Variants in SYNE1 observed in about 807,000 individuals in gnomAD.
The protein encoded by SYNE1 is nesprin-1.
SYNE1 carries 616 observed loss-of-function variants against 1,111.0 expected under a neutral mutation model. The observed-to-expected ratio is 0.55, with a 90% CI of 0.52 to 0.59. The LOEUF is 0.59. Among genes scored for constraint, SYNE1 ranks in the 20% least tolerant of loss-of-function variants. The pLI is 0.00. For synonymous variants in SYNE1, 3,855 were observed against 3,825.8 expected (o/e 1.01, Z -0.28); for missense variants, 10,006 against 10,417.0 (o/e 0.96, Z 1.72).
At chr6:152,250,051 C>A (rs2153595253) in intron 104 of SYNE1, among the ~76,000 whole-genome samples, 1 of 151,912 alleles carries the variant, frequency 6.6e-6, no homozygotes, top group East Asian at 1.9e-4. Flanking sequence ...TCACTTGAGG[C>A]CAGGAGTTCA....
intron 34 of SYNE1, 108 bp from the exon 35 acceptor site, chr6:152,430,817 G>T: frequency 9.1e-7 from 1 of 1,093,426 alleles, no homozygotes; most frequent in Non-Finnish European, 1.4e-6. Context: ...GATATTTGAA[G>T]ACTTGGATGG....
intron 3 of SYNE1, among the ~76,000 whole-genome samples, chr6:152,559,074 C>A (rs774228930): frequency 1.3e-5 from 2 of 152,024 alleles, no homozygotes; most frequent in Non-Finnish European, 2.9e-5. Context: ...GTGGCACTCA[C>A]TGTTGCCTGG....
chr6:152,436,169 C>G, intron 32 of SYNE1, 68 bp from the exon 33 acceptor site: 1 of 1,537,486 alleles, frequency 6.5e-7, no homozygotes, highest in Non-Finnish European at 8.9e-7. Flanking sequence ...AAATAAAGTG[C>G]ACATATTGCA....
At chr6:152,294,542 C>A (rs1307373930) in intron 93 of SYNE1, among the ~76,000 whole-genome samples, 2 of 152,196 alleles carry the variant, frequency 1.3e-5, no homozygotes, top group East Asian at 1.9e-4. Flanking sequence ...TTAAAAACTA[C>A]TTGACTTAAA....
At chr6:152,476,855 C>A (rs1212681394) in intron 14 of SYNE1, among the ~76,000 whole-genome samples, 3 of 124,888 alleles carry the variant, frequency 2.4e-5, no homozygotes, top group Non-Finnish European at 4.9e-5. Context: ...GGCAACAGAG[C>A]CAGACCCTAT....
chr6:152,256,921 A>G (rs1210696332), intron 101 of SYNE1, among the ~76,000 whole-genome samples, 156 bp from the exon 102 acceptor site: 1 of 152,152 alleles, frequency 6.6e-6, no homozygotes, highest in Non-Finnish European at 1.5e-5. Context: ...TGTCCACTGA[A>G]CACAGTGGCC....
At chr6:152,313,560 T>A (rs2095619068) in intron 87 of SYNE1, among the ~76,000 whole-genome samples, 1 of 151,536 alleles carries the variant, frequency 6.6e-6, no homozygotes, top group Admixed American at 6.6e-5. Context: ...CCTCCCAGGT[T>A]CAAGCGATTC....
chr6:152,522,705 A>G (rs2099145793), intron 5 of SYNE1, among the ~76,000 whole-genome samples: 3 of 152,058 alleles, frequency 2.0e-5, no homozygotes, highest in Admixed American at 2.0e-4. Context: ...CAACACTTCC[A>G]TGCCAACATC....
At chr6:152,276,032 T>A (rs1201906092) in intron 98 of SYNE1, among the ~76,000 whole-genome samples, 1 of 90,346 alleles carries the variant, frequency 1.1e-5, no homozygotes, top group East Asian at 2.5e-4. Context: ...CTCGACTTCT[T>A]TTTTTTTTTT....
intron 3 of SYNE1, among the ~76,000 whole-genome samples, chr6:152,573,262 A>C (rs1238983252): frequency 6.6e-6 from 1 of 151,408 alleles, no homozygotes; most frequent in Non-Finnish European, 1.5e-5. Flanking sequence ...TACATGTGCC[A>C]TGTTGGTGTG....
intron 3 of SYNE1, among the ~76,000 whole-genome samples, chr6:152,572,744 G>T (rs1341252347): frequency 2.0e-5 from 3 of 152,170 alleles, no homozygotes; most frequent in Non-Finnish European, 4.4e-5. Flanking sequence ...TAAGGGGAAT[G>T]AATTGGTGTA....
chr6:152,418,084 G>C (rs898707637), intron 40 of SYNE1, among the ~76,000 whole-genome samples: 2 of 152,156 alleles, frequency 1.3e-5, no homozygotes, highest in Non-Finnish European at 2.9e-5. Context: ...AGATTCCTCT[G>C]TTTGACTACT....
intron 82 of SYNE1, among the ~76,000 whole-genome samples, chr6:152,322,830 T>C (rs7776399): frequency 0.7 from 106,839 of 151,996 alleles, 38,154 homozygotes; most frequent in African/African-American, 0.81. Flanking sequence ...TCTGAAGGGA[T>C]GCCTTCTTTG....
intron 20 of SYNE1, 70 bp downstream of exon 20, chr6:152,462,668 C>G (rs1364204522): frequency 6.3e-7 from 1 of 1,593,116 alleles, no homozygotes; most frequent in Admixed American, 1.7e-5. Flanking sequence ...TTGCAATGAT[C>G]TGAATAAACT....
intron 58 of SYNE1, among the ~76,000 whole-genome samples, chr6:152,374,491 T>C (rs574634954): frequency 6.6e-6 from 1 of 152,310 alleles, no homozygotes; most frequent in Admixed American, 6.5e-5. Context: ...AAAACAGTAC[T>C]AGCCATGTGT....
chr6:152,494,551 G>A (rs945464765), intron 11 of SYNE1, among the ~76,000 whole-genome samples: 8 of 152,034 alleles, frequency 5.3e-5, no homozygotes, highest in Non-Finnish European at 7.4e-5. Context: ...CTACTGCTCC[G>A]CCCTCCTCCA....
intron 86 of SYNE1, among the ~76,000 whole-genome samples, chr6:152,317,382 C>T (rs1305179787): frequency 6.6e-6 from 1 of 151,882 alleles, no homozygotes; most frequent in Admixed American, 6.6e-5. Context: ...CAACCATGCC[C>T]TGTTAAATTT....
At chr6:152,414,701 T>C (rs2098125845) in intron 41 of SYNE1, among the ~76,000 whole-genome samples, 1 of 152,152 alleles carries the variant, frequency 6.6e-6, no homozygotes. Context: ...GTGTTGTGGG[T>C]ACTGATGTGG....
chr6:152,367,949 T>C (rs994546387), intron 61 of SYNE1: 1 of 156,374 alleles, frequency 6.4e-6, no homozygotes, highest in African/African-American at 2.4e-5. Context: ...TACAAAGGAA[T>C]GGAAAGATGT....
Sources: allele counts gnomAD v4.1 joint callset (sites outside exome capture counted in the v4.1 genomes callset), GRCh38; gene constraint gnomAD v4.1.1; transcripts MANE v1.5; gene names NCBI Gene and HGNC (gene_info 2026-07-23, HGNC 2026-07-21).